HERC3: variants seen among roughly 807,000 people sequenced by gnomAD.
HERC3 encodes the protein HECT and RLD domain containing E3 ubiquitin protein ligase 3.
A neutral mutation model predicts 129.9 loss-of-function variants in HERC3; 58 were observed. The observed-to-expected ratio is 0.45, with a 90% CI of 0.36 to 0.56. The LOEUF is 0.56. Among genes scored for constraint, HERC3 ranks in the 20% least tolerant of loss-of-function variants. The pLI, the probability that HERC3 is intolerant of heterozygous loss-of-function variation, is 0.00. For missense variants in HERC3, 835 were observed against 1,244.2 expected, an observed-to-expected ratio of 0.67 and a Z score of 4.95; for synonymous variants, 430 against 451.0, an observed-to-expected ratio of 0.95 and a Z score of 0.59.
At chr4:88,696,697 T>C (rs1251541461) in intron 23 of HERC3, 1 of 153,188 alleles carries the variant, frequency 6.5e-6, no homozygotes. Flanking sequence ...TCCTGTGAAG[T>C]GTAAAGCTGA....
intron 2 of HERC3, among the ~76,000 whole-genome samples, chr4:88,597,021 A>G (rs1351565704): frequency 6.6e-6 from 1 of 152,216 alleles, no homozygotes; most frequent in Non-Finnish European, 1.5e-5. Context: ...TTACTGCTGT[A>G]CAGTGTTCTG....
chr4:88,613,974 G>A (rs1724631480), intron 3 of HERC3, among the ~76,000 whole-genome samples: 2 of 149,548 alleles, frequency 1.3e-5, no homozygotes, highest in Admixed American at 6.6e-5. Context: ...TTTTCTGTCT[G>A]ATACTCAGCC....
intron 12 of HERC3, among the ~76,000 whole-genome samples, chr4:88,665,797 C>T (rs775521613): frequency 3.3e-5 from 5 of 152,148 alleles, no homozygotes; most frequent in African/African-American, 7.2e-5. Flanking sequence ...ATAATTAAGG[C>T]AGCTGGGATG....
chr4:88,527,914 G>A, the HERC3 span: 8 of 271,626 alleles, frequency 2.9e-5, no homozygotes, highest in Non-Finnish European at 5.9e-5. Flanking sequence ...GGCGATGTGG[G>A]ACTCCATCCA....
At position 88,680,235 on chromosome 4, in the gene HERC3, C is replaced by T. The variant is rs1402413566; in HGVS notation, c.2339C>T (p.Thr780Met). ...QDSNLLWFSD[T>M]CFVEHNWFHL... The stretch of plus-strand genomic sequence containing the variant: ...TCAAATCTCTTGTGGTTTTCAGACA[C>T]GGTAAGTAAGTGGTGTCACAATTAA... Residue 780 changes from threonine (T) to methionine (M), a missense_variant and splice_region_variant, in exon 20 of 26, where the codon ACG becomes ATG. Transcript: ENST00000402738. The T allele has an allele frequency of 8.1e-6, 13 of 1,596,088 alleles. No individual in the cohort carries two copies. Among genetic ancestry groups the T allele is most frequent in the South Asian group, 5.7e-5 (5 of 87,322 alleles).
chr4:88,690,744 G>T (rs1733989482), intron 23 of HERC3: 1 of 390,390 alleles, frequency 2.6e-6, no homozygotes, highest in East Asian at 1.6e-4. Context: ...TGTCTTTTTT[G>T]TTCTCTTTCT....
At chr4:88,697,165 T>G (rs1286676479) in intron 23 of HERC3, 5 of 1,461,172 alleles carry the variant, frequency 3.4e-6, no homozygotes, top group Non-Finnish European at 3.6e-6. Flanking sequence ...AAACCAGGCT[T>G]TTTTCTTCGT....
the HERC3 span, among the ~76,000 whole-genome samples, chr4:88,538,605 G>A: frequency 4.0e-5 from 6 of 148,288 alleles, no homozygotes; most frequent in African/African-American, 1.5e-4. Context: ...GTGCAGTGGT[G>A]CGATCTCCGC....
At chr4:88,534,733 A>G in the HERC3 span, among the ~76,000 whole-genome samples, 3 of 152,344 alleles carry the variant, frequency 2.0e-5, no homozygotes, top group Admixed American at 1.3e-4. Flanking sequence ...GTGTGATTCT[A>G]TATGGCTTTT....
chr4:88,696,426 T>C (rs1734608090), intron 23 of HERC3: 1 of 152,646 alleles, frequency 6.6e-6, no homozygotes, highest in African/African-American at 2.4e-5. Context: ...GGTAAAGTGA[T>C]TTAATACTTA....
chr4:88,567,740 T>C, the HERC3 span, among the ~76,000 whole-genome samples: 2 of 152,242 alleles, frequency 1.3e-5, no homozygotes, highest in Non-Finnish European at 2.9e-5. Flanking sequence ...ACAGCTGTAT[T>C]TAATTATCTC....
intron 3 of HERC3, among the ~76,000 whole-genome samples, chr4:88,622,399 G>A (rs972216840): frequency 6.6e-6 from 1 of 152,108 alleles, no homozygotes; most frequent in African/African-American, 2.4e-5. Flanking sequence ...TAGACATTTG[G>A]GTGGTTTTAG....
intron 21 of HERC3, among the ~76,000 whole-genome samples, chr4:88,683,612 C>A (rs1733057487): frequency 6.6e-6 from 1 of 152,176 alleles, no homozygotes; most frequent in African/African-American, 2.4e-5. Flanking sequence ...CCAGGCAACT[C>A]TTGATAGAAT....
At chr4:88,622,995 T>C (rs1163659277) in intron 3 of HERC3, among the ~76,000 whole-genome samples, 1 of 152,144 alleles carries the variant, frequency 6.6e-6, no homozygotes, top group Admixed American at 6.5e-5. Context: ...ATTGCGAGGA[T>C]TAATTGAGAT....
chr4:88,623,152 G>A (rs1189609468), intron 3 of HERC3, among the ~76,000 whole-genome samples: 1 of 151,934 alleles, frequency 6.6e-6, no homozygotes, highest in Non-Finnish European at 1.5e-5. Context: ...AGATTCACCT[G>A]GGCAACTTCA....
chr4:88,538,667 C>T, the HERC3 span, among the ~76,000 whole-genome samples: 2 of 151,978 alleles, frequency 1.3e-5, no homozygotes, highest in Non-Finnish European at 2.9e-5. Flanking sequence ...CCTCAGCCTC[C>T]CGAGTAGCTG....
the HERC3 span, among the ~76,000 whole-genome samples, chr4:88,584,570 A>G: frequency 6.6e-6 from 1 of 152,202 alleles, no homozygotes; most frequent in South Asian, 2.1e-4. Flanking sequence ...TTAGGCCATG[A>G]GGGCTTAGTT....
At chr4:88,525,316 C>T in the HERC3 span, among the ~76,000 whole-genome samples, 2 of 152,212 alleles carry the variant, frequency 1.3e-5, no homozygotes, top group Non-Finnish European at 2.9e-5. Flanking sequence ...CACACTATTT[C>T]CGACTAGGGC....
At chr4:88,670,049 AG>A (rs1349117728) in intron 15 of HERC3, 26 bp downstream of exon 15, 2 of 1,609,830 alleles carry the variant, frequency 1.2e-6, no homozygotes, top group Non-Finnish European at 1.7e-6. Flanking sequence ...GCTAGTGGGG[AG>A]GGGGTGATTA....
Sources: allele counts gnomAD v4.1 joint callset (sites outside exome capture counted in the v4.1 genomes callset), GRCh38; gene constraint gnomAD v4.1.1; transcripts MANE v1.5; gene names NCBI Gene and HGNC (gene_info 2026-07-23, HGNC 2026-07-21).